The following EMG1 variants were observed in gnomAD, a reference collection of about 807,000 sequenced individuals.
The protein encoded by EMG1 is EMG1 N1-specific pseudouridine methyltransferase.
A neutral mutation model predicts 26.9 loss-of-function variants in EMG1; 24 were observed. The ratio of observed to expected loss-of-function variants is 0.89; its 90% CI spans 0.65 to 1.26. EMG1 has a LOEUF of 1.26. Ranked by LOEUF, EMG1 falls within the 50% of genes most tolerant of loss-of-function variation. The pLI, the probability that EMG1 is intolerant of heterozygous loss-of-function variation, is 0.00. For missense variants in EMG1, 299 were observed against 307.6 expected (o/e 0.97, Z 0.21); for synonymous variants, 140 against 112.6 (o/e 1.24, Z -1.54).
At chr12:6,975,426 T>C (rs782342482) in intron 5 of EMG1, 48 bp downstream of exon 5, 20 of 1,532,696 alleles carry the variant, frequency 1.3e-5, no homozygotes, top group Non-Finnish European at 1.7e-5. Flanking sequence ...CTGAACTTAG[T>C]ATAGAATTCC....
chr12:6,995,749 A>G (rs112264933), intron 7 of EMG1, among the ~76,000 whole-genome samples: 10 of 152,166 alleles, frequency 6.6e-5, no homozygotes, highest in African/African-American at 2.4e-4. Flanking sequence ...GAAACCATCA[A>G]TAGCTCCCAG....
chr12:6,988,828 G>A (rs782321568), downstream of EMG1, among the ~76,000 whole-genome samples: 419 of 152,262 alleles, frequency 2.8e-3, 3 homozygotes, highest in African/African-American at 9.1e-3. Context: ...CAACCCAGAG[G>A]TTTGTAAGAA....
rs1946379499 is a variant in EMG1, at chr12:6,975,209, T to C, written c.472-20T>C. ...CTGGGAATGTTTCTGGGGCTGACTTTTCTCTCTTTTTTACTTTAGGTAATT... is the reference window on the plus strand; with the variant it reads ...CTGGGAATGTTTCTGGGGCTGACTTCTCTCTCTTTTTTACTTTAGGTAATT... On this transcript the variant is annotated intron_variant, in intron 4 of 5. Coordinates refer to ENST00000599672, the MANE Select transcript of EMG1 (RefSeq NM_006331.8). 1 of 1,613,888 alleles carries C rather than the reference T, an allele frequency of 6.2e-7. No homozygotes were observed. The highest frequency in any genetic ancestry group is 8.5e-7 in the Non-Finnish European group (1 of 1,179,882).
At chr12:6,994,623 C>G (rs1031131571) in intron 7 of EMG1, among the ~76,000 whole-genome samples, 1 of 152,042 alleles carries the variant, frequency 6.6e-6, no homozygotes, top group African/African-American at 2.4e-5. Context: ...TGCACAGGAC[C>G]GGCTAATTTC....
At chr12:6,997,029 C>T (rs944742323) in intron 7 of EMG1, among the ~76,000 whole-genome samples, 5 of 152,014 alleles carry the variant, frequency 3.3e-5, no homozygotes, top group African/African-American at 1.2e-4. Flanking sequence ...AATCAATTGA[C>T]TAGGTGTAGG....
At chr12:6,972,469 T>TA (rs1357704937) in intron 1 of EMG1, among the ~76,000 whole-genome samples, 3 of 152,210 alleles carry the variant, frequency 2.0e-5, no homozygotes, top group African/African-American at 7.2e-5. Flanking sequence ...ATTCCAGTGA[T>TA]ACATAAAAAC....
chr12:6,991,355 T>C (rs1165119823), downstream of EMG1, among the ~76,000 whole-genome samples: 3 of 152,240 alleles, frequency 2.0e-5, no homozygotes, highest in Admixed American at 6.5e-5. Flanking sequence ...ATAAAACCCA[T>C]TGGCTTCTCT....
intron 1 of EMG1, among the ~76,000 whole-genome samples, chr12:6,972,170 G>C (rs1555152377): frequency 6.7e-6 from 1 of 150,242 alleles, no homozygotes; most frequent in East Asian, 2.0e-4. Context: ...GGGTTCAATC[G>C]ATTCTCCTGC....
chr12:6,993,746 C>T (rs56780922), intron 7 of EMG1, among the ~76,000 whole-genome samples: 6,548 of 152,186 alleles, frequency 0.043, 390 homozygotes, highest in African/African-American at 0.13. Context: ...AATAATATCC[C>T]GTTGTATGGA....
chr12:6,982,633 C>T (rs373430072), downstream of EMG1: 34 of 1,460,748 alleles, frequency 2.3e-5, 1 homozygote, highest in East Asian at 9.1e-5. Context: ...TCCCCTGAAC[C>T]GCTGTCAGCT....
intron 7 of EMG1, among the ~76,000 whole-genome samples, chr12:6,996,057 T>G (rs1189771773): frequency 6.6e-6 from 1 of 152,162 alleles, no homozygotes; most frequent in African/African-American, 2.4e-5. Context: ...AAGGCCTCTA[T>G]TCTCACTCAG....
intron 1 of EMG1, among the ~76,000 whole-genome samples, chr12:6,972,378 C>T (rs1946341847): frequency 6.6e-6 from 1 of 152,190 alleles, no homozygotes; most frequent in Admixed American, 6.5e-5. Flanking sequence ...ATTACTTCAA[C>T]TATTCAATTT....
chr12:6,977,066 G>T lies in EMG1; in HGVS notation c.*1257G>T. 7 of 995,106 alleles carry T rather than the reference G, an allele frequency of 7.0e-6. No homozygotes were observed. In the South Asian group the frequency reaches 8.1e-5, roughly 11 times the overall value. The allele number at this position is 995,106 out of a possible 1,614,324, so 61.6% of individuals were successfully genotyped here. ...TTCACCCCAGATTTCTAATACTATTGTTTTTTTCCAGTCTGTTGCTCTATT... is the reference window on the plus strand; with the variant it reads ...TTCACCCCAGATTTCTAATACTATTTTTTTTTTCCAGTCTGTTGCTCTATT... On this transcript the variant is annotated 3_prime_UTR_variant, in exon 6 of 6. Coordinates refer to ENST00000599672, the MANE Select transcript of EMG1 (RefSeq NM_006331.8). The surrounding 1 kb of genome is among the most constrained non-coding windows in gnomAD (Gnocchi z 4.5).
downstream of EMG1, among the ~76,000 whole-genome samples, chr12:6,984,091 ATAAAT>A (rs1280158907): frequency 1.3e-5 from 2 of 152,256 alleles, no homozygotes; most frequent in Non-Finnish European, 2.9e-5. Context: ...GAGGAAAAAT[ATAAAT>A]TAATATCAGG....
chr12:6,978,311 C>A lies in EMG1; in HGVS notation c.*2502C>A. ...TGGGAAGACAGTGGAAGGAAGGAAC[C>A]AGGGTCCAGGCTCCCCACCAGCAGC... On this transcript the variant is annotated 3_prime_UTR_variant, in exon 6 of 6. Coordinates refer to ENST00000599672, the MANE Select transcript of EMG1 (RefSeq NM_006331.8). 6.3e-7 allele frequency: 1 copy of A among 1,584,368 alleles called. No individual in the cohort carries two copies. Among genetic ancestry groups the A allele is most frequent in the Non-Finnish European group, 8.6e-7 (1 of 1,164,434 alleles).
rs1361407211 is a variant in EMG1 at position 6,979,762 on chromosome 12, A to C, written c.*3953A>C. 2 of 605,828 alleles carry C rather than the reference A, an allele frequency of 3.3e-6. No individual in the cohort carries two copies. The highest frequency in any genetic ancestry group is 3.7e-5 in the African/African-American group (2 of 54,002). 37.5% of individuals were successfully genotyped at this position (605,828 alleles called of 1,614,324 possible). ...AAGATTTCTATGGCTGGCTATGAGG[A>C]ATGGGGACTGCAAACCTCTTAAGAG... On this transcript the variant is annotated 3_prime_UTR_variant, in exon 6 of 6. Transcript: ENST00000599672.
At chr12:6,983,221 A>G (rs1169979940), downstream of EMG1, 3 of 496,456 alleles carry the variant, frequency 6.0e-6, no homozygotes, top group Non-Finnish European at 1.1e-5. Flanking sequence ...GGCAAGGGTA[A>G]CCACCCTCAA....
At chr12:6,981,699 G>T, downstream of EMG1, 2 of 1,142,996 alleles carry the variant, frequency 1.7e-6, no homozygotes, top group Non-Finnish European at 2.6e-6. Context: ...CCTGTAGACT[G>T]AGTGCAGCCA....
At position 6,978,420 on chromosome 12, in the gene EMG1, C is replaced by A. The variant is rs1555153604; in HGVS notation, c.*2611C>A. 5 of 1,614,116 alleles carry A rather than the reference C, an allele frequency of 3.1e-6. No homozygotes were observed. The highest frequency in any genetic ancestry group is 4.2e-6 in the Non-Finnish European group (5 of 1,180,016). ...CGGGGGTTTGTTTCAAAGAGCCACACCTTCATGTTGGCACAGGCATCCCAC... is the reference window on the plus strand; with the variant it reads ...CGGGGGTTTGTTTCAAAGAGCCACAACTTCATGTTGGCACAGGCATCCCAC... On this transcript the variant is annotated 3_prime_UTR_variant, in exon 6 of 6. Transcript: ENST00000599672.
Sources: gnomAD v4.1 joint callset for allele counts (sites outside exome capture counted in the v4.1 genomes callset) on GRCh38, gnomAD v4.1.1 for gene constraint, Gnocchi (gnomAD v3.1) non-coding constraint, MANE v1.5 for transcripts, NCBI Gene and HGNC (gene_info 2026-07-23, HGNC 2026-07-21) for gene names.